The following VAT1L variants were observed in gnomAD, a reference collection of about 807,000 sequenced individuals.
VAT1L encodes the protein putative NADPH-dependent quinone oxidoreductase VAT1L.
Under a neutral mutation model 44.1 loss-of-function variants are expected in VAT1L, and 34 were observed. The observed-to-expected ratio is 0.77, with a 90% CI of 0.59 to 1.03. The LOEUF (loss-of-function observed/expected upper bound fraction) is 1.03. Ranked by LOEUF, VAT1L falls within the 50% of genes least tolerant of loss-of-function variation. The pLI is 0.00. For missense variants in VAT1L, 615 were observed against 538.8 expected (o/e 1.14, Z -1.40); for synonymous variants, 253 against 202.2 (o/e 1.25, Z -2.13).
At chr16:77,821,723 A>C (rs1459420491) in intron 2 of VAT1L, among the ~76,000 whole-genome samples, 1 of 152,006 alleles carries the variant, frequency 6.6e-6, no homozygotes, top group East Asian at 1.9e-4. Flanking sequence ...CATAAGAATT[A>C]AATGCAGTAA....
chr16:77,815,839 G>A (rs199648423), intron 1 of VAT1L, among the ~76,000 whole-genome samples: 2 of 151,892 alleles, frequency 1.3e-5, no homozygotes, highest in South Asian at 4.2e-4. Context: ...GAGTTGGTGT[G>A]CACCTGTAAT....
At chr16:77,975,584 T>A (rs1448209957) in intron 8 of VAT1L, among the ~76,000 whole-genome samples, 2 of 152,170 alleles carry the variant, frequency 1.3e-5, no homozygotes, top group African/African-American at 4.8e-5. Context: ...ACTGCTCCTC[T>A]AGAATAGTCT....
chr16:77,912,514 C>T (rs1597095595), intron 7 of VAT1L, among the ~76,000 whole-genome samples: 1 of 152,234 alleles, frequency 6.6e-6, no homozygotes, highest in Non-Finnish European at 1.5e-5. Flanking sequence ...ACCTCCCAGG[C>T]TCAAGCGGTC....
chr16:77,888,678 C>T (rs11640496), intron 7 of VAT1L, among the ~76,000 whole-genome samples: 12,184 of 152,292 alleles, frequency 0.08, 541 homozygotes, highest in Non-Finnish European at 0.11. Flanking sequence ...AGCAGCATCT[C>T]TGGCCTCTAC....
chr16:77,802,501 G>C (rs1435844333), intron 1 of VAT1L, among the ~76,000 whole-genome samples: 1 of 151,986 alleles, frequency 6.6e-6, no homozygotes, highest in African/African-American at 2.4e-5. Context: ...TGTAATCCCA[G>C]CTACTCGGGA....
At chr16:77,799,315 C>T (rs895683292) in intron 1 of VAT1L, among the ~76,000 whole-genome samples, 66 of 150,676 alleles carry the variant, frequency 4.4e-4, no homozygotes, top group African/African-American at 1.6e-3. Context: ...CTTTTCCCTC[C>T]GTCTTTCCCC....
At chr16:77,973,866 C>T (rs907850816) in intron 8 of VAT1L, among the ~76,000 whole-genome samples, 2 of 152,076 alleles carry the variant, frequency 1.3e-5, no homozygotes, top group African/African-American at 4.8e-5. Flanking sequence ...GCTGGGACTA[C>T]AGGCACCTGC....
chr16:77,792,215 G>T (rs1009142392), intron 1 of VAT1L, among the ~76,000 whole-genome samples: 3 of 152,128 alleles, frequency 2.0e-5, no homozygotes, highest in Non-Finnish European at 4.4e-5. Context: ...AAACCAATGT[G>T]ATATATGCTG....
chr16:77,903,903 AT>A (rs1242252869), intron 7 of VAT1L, among the ~76,000 whole-genome samples: 3 of 151,518 alleles, frequency 2.0e-5, no homozygotes, highest in Admixed American at 2.0e-4. Context: ...CGCCCAGCTA[AT>A]TTTTTGTATT....
At chr16:77,855,199 G>A (rs2142436695) in intron 3 of VAT1L, among the ~76,000 whole-genome samples, 1 of 152,156 alleles carries the variant, frequency 6.6e-6, no homozygotes, top group South Asian at 2.1e-4. Flanking sequence ...AATTAGCTGG[G>A]CATGGTGCCA....
chr16:77,940,323 G>C (rs752029497), intron 7 of VAT1L, among the ~76,000 whole-genome samples: 1 of 148,872 alleles, frequency 6.7e-6, no homozygotes, highest in Non-Finnish European at 1.5e-5. Context: ...TACAAGCCAG[G>C]TCTAACATAC....
At chr16:77,903,076 T>A (rs2017401852) in intron 7 of VAT1L, among the ~76,000 whole-genome samples, 1 of 152,212 alleles carries the variant, frequency 6.6e-6, no homozygotes, top group South Asian at 2.1e-4. Flanking sequence ...GCATTCCCTT[T>A]CTTAAAAATT....
At chr16:77,957,376 T>A (rs1468118792) in intron 7 of VAT1L, among the ~76,000 whole-genome samples, 2 of 152,130 alleles carry the variant, frequency 1.3e-5, no homozygotes, top group Non-Finnish European at 1.5e-5. Context: ...AAATATAATA[T>A]CTTTCTCCCT....
At position 77,912,253 on chromosome 16, in the gene VAT1L, C is replaced by A. The variant is rs560906798; in HGVS notation, c.1077+27451C>A. ...CTTATCAGTAAAGTGGGGTTGATCACCCTCAGCAAGATACCATCAAGGTAG... is the reference window on the plus strand; with the variant it reads ...CTTATCAGTAAAGTGGGGTTGATCAACCTCAGCAAGATACCATCAAGGTAG... On this transcript the variant is annotated intron_variant, in intron 7 of 8. Coordinates refer to ENST00000302536, the MANE Select transcript of VAT1L (RefSeq NM_020927.3). 7.7e-4 allele frequency among the ~76,000 whole-genome samples: 118 copies of A among 152,260 alleles called. 1 individual carries two copies. The highest frequency in any genetic ancestry group is 2.7e-3 in the African/African-American group (113 of 41,552).
At chr16:77,824,860 TG>T (rs1452619243) in intron 2 of VAT1L, among the ~76,000 whole-genome samples, 1 of 136,486 alleles carries the variant, frequency 7.3e-6, no homozygotes, top group African/African-American at 2.7e-5. Flanking sequence ...CTCCCAATAA[TG>T]CTTTTTTTTT....
chr16:77,954,091 T>C (rs1040301082), intron 7 of VAT1L, among the ~76,000 whole-genome samples: 5 of 152,152 alleles, frequency 3.3e-5, no homozygotes, highest in African/African-American at 1.2e-4. Context: ...GCTGGGTCTT[T>C]TGAGCGGCCA....
At chr16:77,939,584 G>T (rs1297956836) in intron 7 of VAT1L, among the ~76,000 whole-genome samples, 1 of 152,192 alleles carries the variant, frequency 6.6e-6, no homozygotes, top group South Asian at 2.1e-4. Flanking sequence ...CCAGTAACCT[G>T]GGTTTGGCTC....
intron 2 of VAT1L, among the ~76,000 whole-genome samples, chr16:77,819,938 G>C (rs2145240329): frequency 6.6e-6 from 1 of 152,284 alleles, no homozygotes; most frequent in African/African-American, 2.4e-5. Flanking sequence ...CATGTTAAGT[G>C]CGTTGGGTGT....
intron 3 of VAT1L, among the ~76,000 whole-genome samples, chr16:77,860,458 G>A (rs2016904472): frequency 6.6e-6 from 1 of 152,180 alleles, no homozygotes; most frequent in African/African-American, 2.4e-5. Flanking sequence ...GGCATTCATA[G>A]CACAGTGCAA....
Sources: gnomAD v4.1 joint callset for allele counts (sites outside exome capture counted in the v4.1 genomes callset) on GRCh38, gnomAD v4.1.1 for gene constraint, MANE v1.5 for transcripts, NCBI Gene and HGNC (gene_info 2026-07-23, HGNC 2026-07-21) for gene names.